Variants in NCOA7 observed in about 807,000 individuals in gnomAD.
NCOA7 encodes 140 kDa estrogen receptor-associated protein.
NCOA7 carries 45 observed loss-of-function variants against 104.3 expected under a neutral mutation model. The observed-to-expected ratio is 0.43, with a 90% CI of 0.34 to 0.55. The LOEUF (loss-of-function observed/expected upper bound fraction) is 0.55, where lower values mean the gene tolerates loss of function less well. Among genes scored for constraint, NCOA7 ranks in the 20% least tolerant of loss-of-function variants. NCOA7 has a pLI of 0.02. For missense variants in NCOA7, 1,041 were observed against 1,119.7 expected (o/e 0.93, Z 1.00); for synonymous variants, 398 against 402.3 (o/e 0.99, Z 0.13).
In NCOA7 at chr6:125,889,986, G is replaced by T; in HGVS notation, c.1927+5G>T. ...GAATTCAGGTACCCATTGAAGGTAAGCTGTTTTTCTTTAATGCCTTTATAT... is the reference window on the plus strand; with the variant it reads ...GAATTCAGGTACCCATTGAAGGTAATCTGTTTTTCTTTAATGCCTTTATAT... On this transcript the variant is annotated splice_donor_5th_base_variant and intron_variant, in intron 9 of 15. Coordinates refer to ENST00000392477, the MANE Select transcript of NCOA7 (RefSeq NM_181782.5). 6.7e-7 allele frequency: 1 copy of T among 1,499,606 alleles called. No individual in the cohort carries two copies. 92.9% of individuals were successfully genotyped at this position (1,499,606 alleles called of 1,614,324 possible). A position where few individuals can be genotyped will look rare whatever the true frequency, so the allele number is the denominator to read the frequency against.
intron 2 of NCOA7, among the ~76,000 whole-genome samples, chr6:125,839,794 T>G (rs1159705589): frequency 1.3e-5 from 2 of 152,104 alleles, no homozygotes; most frequent in Non-Finnish European, 2.9e-5. Context: ...TGCAACACAT[T>G]ACTCAGTGAT....
intron 2 of NCOA7, among the ~76,000 whole-genome samples, chr6:125,829,208 G>A (rs890465065): frequency 6.6e-6 from 1 of 151,884 alleles, no homozygotes; most frequent in Non-Finnish European, 1.5e-5. Flanking sequence ...ATTATAATAT[G>A]TCCTCTTTAT....
Position 125,785,721 on chromosome 6 carries a change from T to G in NCOA7, c.-141-416T>G, listed in dbSNP as rs569224103. On this transcript the variant is annotated intron_variant, in intron 1 of 16. Coordinates refer to the NCOA7 transcript ENST00000368357. ...AATTCTCAAGCTACTGAACAGACTATTCGTAGAAGAAATAAGACAACAGGA... is the reference window on the plus strand; with the variant it reads ...AATTCTCAAGCTACTGAACAGACTAGTCGTAGAAGAAATAAGACAACAGGA... Among the ~76,000 whole-genome samples, 12 of 152,328 alleles carry G rather than the reference T, an allele frequency of 7.9e-5. No homozygotes were observed. The East Asian group carries it at 2.3e-3, about 29-fold the overall frequency.
At chr6:125,845,846 A>G (rs1041956188) in intron 2 of NCOA7, among the ~76,000 whole-genome samples, 3 of 152,174 alleles carry the variant, frequency 2.0e-5, no homozygotes, top group South Asian at 4.1e-4. Context: ...ACCTGTATAT[A>G]TCCATATCTA....
At chr6:125,829,133 A>C (rs560735870) in intron 2 of NCOA7, among the ~76,000 whole-genome samples, 13 of 152,170 alleles carry the variant, frequency 8.5e-5, no homozygotes, top group African/African-American at 2.6e-4. Context: ...TTAATCTCTA[A>C]AAATAAAATT....
At position 125,929,973 on chromosome 6, in the gene NCOA7, AC is replaced by A. The variant is rs2128705961; in HGVS notation, c.*1203del. On this transcript the variant is annotated 3_prime_UTR_variant, in exon 16 of 16. Transcript: ENST00000392477. The stretch of plus-strand genomic sequence containing the variant: ...TTCATTTATTTGAGAAAAAAACAAT[AC>A]AAAGAAATGCATTCATATCAAAATT... 1 of 152,360 alleles carries A rather than the reference AC, an allele frequency of 6.6e-6. No individual in the cohort carries two copies. The highest frequency in any genetic ancestry group is 2.1e-4 in the South Asian group (1 of 4,830). 9.4% of individuals were successfully genotyped at this position (152,360 alleles called of 1,614,324 possible).
At chr6:125,827,854 C>A (rs1323264343) in intron 2 of NCOA7, among the ~76,000 whole-genome samples, 1 of 152,220 alleles carries the variant, frequency 6.6e-6, no homozygotes, top group African/African-American at 2.4e-5. Flanking sequence ...TGAGGCAGAT[C>A]ATGCAGGGCC....
chr6:125,790,760 C>T (rs3734632), upstream of NCOA7: 18,229 of 152,398 alleles, frequency 0.12, 1,442 homozygotes, highest in African/African-American at 0.23. Context: ...CCCGTAGCGG[C>T]CCATGCCCTG....
chr6:125,814,963 T>A (rs558404259), intron 1 of NCOA7, among the ~76,000 whole-genome samples: 21 of 152,340 alleles, frequency 1.4e-4, no homozygotes, highest in East Asian at 3.9e-4. Flanking sequence ...AATTTTTTTT[T>A]AAATAATTAG....
At chr6:125,892,749 A>G (rs1386297496) in intron 10 of NCOA7, among the ~76,000 whole-genome samples, 1 of 152,192 alleles carries the variant, frequency 6.6e-6, no homozygotes, top group African/African-American at 2.4e-5. Context: ...TATAGTGTCC[A>G]TTACTTGTTT....
At chr6:125,788,839 G>T (rs552248462), upstream of NCOA7, among the ~76,000 whole-genome samples, 254 of 151,980 alleles carry the variant, frequency 1.7e-3, 1 homozygote, top group African/African-American at 5.7e-3. Flanking sequence ...ACTGCGCCTG[G>T]CCAGAAGACT....
In NCOA7 at chr6:125,929,350, T is replaced by C. The variant is rs1215387636; in HGVS notation, c.*579T>C. On this transcript the variant is annotated 3_prime_UTR_variant, in exon 16 of 16. Transcript: ENST00000392477. Reference sequence around the variant, plus strand: ...GTCAAATCTTGAAATATTAAATGTATACATTTTGTGCTATGTTTTGGGAAC... The same window carrying C: ...GTCAAATCTTGAAATATTAAATGTACACATTTTGTGCTATGTTTTGGGAAC... 1.3e-5 allele frequency: 2 copies of C among 152,100 alleles called. No homozygotes were observed. Among genetic ancestry groups the C allele is most frequent in the Non-Finnish European group, 2.9e-5 (2 of 67,998 alleles). The allele number at this position is 152,100 out of a possible 1,614,324, so 9.4% of individuals were successfully genotyped here. A position where few individuals can be genotyped will look rare whatever the true frequency, so the allele number is the denominator to read the frequency against.
At chr6:125,914,436 G>T (rs1562178821) in intron 10 of NCOA7, among the ~76,000 whole-genome samples, 1 of 152,130 alleles carries the variant, frequency 6.6e-6, no homozygotes, top group Non-Finnish European at 1.5e-5. Context: ...GATCTGTTAG[G>T]ATATCAGAAT....
chr6:125,831,688 C>G (rs1018399970), intron 2 of NCOA7, among the ~76,000 whole-genome samples: 4 of 152,132 alleles, frequency 2.6e-5, no homozygotes, highest in Non-Finnish European at 4.4e-5. Flanking sequence ...TGGACTAGAC[C>G]TGTTTTCTCT....
intron 2 of NCOA7, among the ~76,000 whole-genome samples, chr6:125,828,636 C>G: frequency 6.6e-6 from 1 of 152,094 alleles, no homozygotes; most frequent in East Asian, 1.9e-4. Context: ...TCAGGGATGT[C>G]CACTTGAAGA....
chr6:125,906,666 C>A (rs529664208), intron 10 of NCOA7, among the ~76,000 whole-genome samples: 4 of 152,154 alleles, frequency 2.6e-5, no homozygotes, highest in African/African-American at 9.6e-5. Flanking sequence ...AGGCTGAAGA[C>A]TGGGGAGAGA....
chr6:125,928,816 A>G lies in NCOA7; in HGVS notation c.*45A>G. 4 of 1,589,418 alleles carry G rather than the reference A, an allele frequency of 2.5e-6. No homozygotes were observed. The highest frequency in any genetic ancestry group is 3.4e-6 in the Non-Finnish European group (4 of 1,170,248). ...TATAACATTAAAAAGACTGGGTTCG[A>G]TCAGCCCTCCTAAAGCTGGCTGGAA... On this transcript the variant is annotated 3_prime_UTR_variant, in exon 16 of 16. Coordinates refer to ENST00000392477, the MANE Select transcript of NCOA7 (RefSeq NM_181782.5).
chr6:125,878,156 G>T, intron 4 of NCOA7, 107 bp from the exon 5 acceptor site: 4 of 568,272 alleles, frequency 7.0e-6, no homozygotes, highest in Non-Finnish European at 1.2e-5. Context: ...TATCTTGATG[G>T]AACTATTAGT....
intron 10 of NCOA7, among the ~76,000 whole-genome samples, chr6:125,911,094 G>T (rs1408157303): frequency 6.6e-6 from 1 of 152,186 alleles, no homozygotes; most frequent in East Asian, 1.9e-4. Context: ...CCCGAGTTCT[G>T]GGAGCCCACG....
Sources: allele counts gnomAD v4.1 joint callset (sites outside exome capture counted in the v4.1 genomes callset), GRCh38; gene constraint gnomAD v4.1.1; transcripts MANE v1.5; gene names NCBI Gene and HGNC (gene_info 2026-07-23, HGNC 2026-07-21).